The following KIAA0513 variants were observed in gnomAD, a reference collection of about 807,000 sequenced individuals.
KIAA0513 encodes the protein uncharacterized protein KIAA0513.
In KIAA0513, 39 loss-of-function variants were observed where a neutral mutation model predicts 56.5. The observed-to-expected ratio is 0.69, with a 90% confidence interval of 0.53 to 0.90. The LOEUF (loss-of-function observed/expected upper bound fraction) is 0.90. Ranked by LOEUF, KIAA0513 falls within the 40% of genes least tolerant of loss-of-function variation. KIAA0513 has a pLI of 0.00. For missense variants in KIAA0513, 591 were observed against 535.2 expected (o/e 1.10, Z -1.03); for synonymous variants, 268 against 215.6 (o/e 1.24, Z -2.13).
chr16:85,052,563 G>T (rs1455026155), intron 1 of KIAA0513, among the ~76,000 whole-genome samples: 1 of 152,158 alleles, frequency 6.6e-6, no homozygotes, highest in Non-Finnish European at 1.5e-5. Flanking sequence ...ATCCTAATGG[G>T]TTTCTTTGGG....
chr16:85,029,485 G>C (rs1336402775), intron 1 of KIAA0513, among the ~76,000 whole-genome samples: 1 of 152,230 alleles, frequency 6.6e-6, no homozygotes, highest in African/African-American at 2.4e-5. Context: ...GATTTCCATA[G>C]ATATTGAATG....
intron 1 of KIAA0513, among the ~76,000 whole-genome samples, chr16:85,030,810 C>T (rs908783764): frequency 4.0e-5 from 6 of 151,678 alleles, no homozygotes; most frequent in African/African-American, 1.5e-4. Context: ...GTTTTAATCC[C>T]ACTTTCTAAA....
chr16:85,070,860 G>C (rs967032326), intron 2 of KIAA0513, among the ~76,000 whole-genome samples: 1 of 152,184 alleles, frequency 6.6e-6, no homozygotes, highest in African/African-American at 2.4e-5. Flanking sequence ...AGGAAAGCCA[G>C]CCTCTATTTG....
chr16:85,031,176 A>G (rs1361095532), intron 1 of KIAA0513, among the ~76,000 whole-genome samples: 2 of 152,194 alleles, frequency 1.3e-5, no homozygotes, highest in Non-Finnish European at 2.9e-5. Flanking sequence ...GGACAAAAGT[A>G]ATCGTTAGAA....
At chr16:85,086,861 C>G in intron 11 of KIAA0513, 137 bp downstream of exon 11, 1 of 893,778 alleles carries the variant, frequency 1.1e-6, no homozygotes. Context: ...GGCCTCCATG[C>G]CAGCTCATAA....
intron 1 of KIAA0513, among the ~76,000 whole-genome samples, chr16:85,047,837 CA>C (rs1387399282): frequency 6.6e-6 from 1 of 152,188 alleles, no homozygotes; most frequent in Non-Finnish European, 1.5e-5. Context: ...AGGGACATGG[CA>C]AACTCACCGC....
At chr16:85,082,140 G>C (rs959900712) in intron 9 of KIAA0513, among the ~76,000 whole-genome samples, 1 of 152,202 alleles carries the variant, frequency 6.6e-6, no homozygotes, top group Non-Finnish European at 1.5e-5. Flanking sequence ...GGCTGCTGTT[G>C]GGGGGAAGAC....
rs1323261437 is a variant in KIAA0513 at position 85,091,415 on chromosome 16, A to T, written c.*3090A>T. On this transcript the variant is annotated 3_prime_UTR_variant, in exon 13 of 13. Transcript: ENST00000683363. The stretch of plus-strand genomic sequence containing the variant: ...TGATGTCGTAAGTTCTCTGTAAGTG[A>T]AATGGGGTAGACTGTATGATTTTCC... The T allele has an allele frequency of 2.0e-5, 3 of 152,196 alleles. No individual in the cohort carries two copies. Among genetic ancestry groups the T allele is most frequent in the African/African-American group, 4.8e-5 (2 of 41,440 alleles). The allele number at this position is 152,196 out of a possible 1,614,324, so 9.4% of individuals were successfully genotyped here.
chr16:85,032,258 T>A (rs1434988438), intron 1 of KIAA0513, among the ~76,000 whole-genome samples: 1 of 152,174 alleles, frequency 6.6e-6, no homozygotes, highest in Non-Finnish European at 1.5e-5. Flanking sequence ...CCACTTCATG[T>A]CTCCTCCTGT....
In KIAA0513 at chr16:85,059,691, G is replaced by A. The variant is rs556081380; in HGVS notation, c.-172-7209G>A. The stretch of plus-strand genomic sequence containing the variant: ...TTTGTGTAGTGCTGCACTTTGAAAG[G>A]TATGAACTGCTCTGATAATAGGGTC... On this transcript the variant is annotated intron_variant, in intron 1 of 12. Coordinates refer to ENST00000683363, the MANE Select transcript of KIAA0513 (RefSeq NM_001388359.1). 1.5e-4 allele frequency among the ~76,000 whole-genome samples: 23 copies of A among 152,298 alleles called. No homozygotes were observed. In the South Asian group the frequency reaches 4.8e-3, roughly 32 times the overall value.
At chr16:85,051,873 C>T (rs534522410) in intron 1 of KIAA0513, among the ~76,000 whole-genome samples, 15 of 151,510 alleles carry the variant, frequency 9.9e-5, no homozygotes, top group Admixed American at 8.5e-4. Flanking sequence ...AGGCTGGTCC[C>T]AAACTCCTGG....
At chr16:85,028,108 G>T (rs2072913681) in intron 1 of KIAA0513, among the ~76,000 whole-genome samples, 1 of 152,178 alleles carries the variant, frequency 6.6e-6, no homozygotes. Flanking sequence ...GGGGAAGGTC[G>T]CCGGGAGCCC....
intron 10 of KIAA0513, among the ~76,000 whole-genome samples, chr16:85,085,661 G>T (rs983239834): frequency 6.6e-6 from 1 of 152,214 alleles, no homozygotes; most frequent in Admixed American, 6.5e-5. Flanking sequence ...AGGGGAAGGA[G>T]CCGGCAACAC....
intron 1 of KIAA0513, among the ~76,000 whole-genome samples, chr16:85,039,156 AATTCTCCT>A: frequency 6.6e-6 from 1 of 152,306 alleles, no homozygotes. Flanking sequence ...ACAAACCCTC[AATTCTCCT>A]GCTGCTATAG....
intron 1 of KIAA0513, among the ~76,000 whole-genome samples, chr16:85,029,869 G>A (rs904815): frequency 1 from 151,815 of 152,334 alleles, 75,649 homozygotes; most frequent in Middle Eastern, 1. Context: ...GGCAGTCATG[G>A]TGGGTTTGTT....
chr16:85,078,491 C>T, intron 7 of KIAA0513, 36 bp downstream of exon 7: 1 of 1,602,614 alleles, frequency 6.2e-7, no homozygotes, highest in Non-Finnish European at 8.5e-7. Context: ...AGACGCCCAG[C>T]CCACAGCCCC....
intron 7 of KIAA0513, 54 bp downstream of exon 7, chr16:85,078,509 G>A: frequency 3.2e-6 from 5 of 1,564,416 alleles, no homozygotes; most frequent in Non-Finnish European, 4.4e-6. Context: ...CCCTCAGCCA[G>A]CACACAAGCA....
At chr16:85,034,832 C>G (rs2073012893) in intron 1 of KIAA0513, among the ~76,000 whole-genome samples, 1 of 152,182 alleles carries the variant, frequency 6.6e-6, no homozygotes, top group South Asian at 2.1e-4. Context: ...TAACATGGCT[C>G]CATCACACAG....
chr16:85,086,762 G>C, intron 11 of KIAA0513, 38 bp downstream of exon 11: 1 of 1,559,092 alleles, frequency 6.4e-7, no homozygotes. Flanking sequence ...GGGAGAGGGG[G>C]GAGGGCCCAC....
Sources: gnomAD v4.1 joint callset for allele counts (sites outside exome capture counted in the v4.1 genomes callset) on GRCh38, gnomAD v4.1.1 for gene constraint, MANE v1.5 for transcripts, NCBI Gene and HGNC (gene_info 2026-07-23, HGNC 2026-07-21) for gene names.